Variants in ATRNL1 observed in about 807,000 individuals in gnomAD.
The protein encoded by ATRNL1 is attractin like 1, also known as attractin-like protein 1.
In ATRNL1, 95 loss-of-function variants were observed where a neutral mutation model predicts 182.7. The observed-to-expected ratio is 0.52, with a 90% confidence interval of 0.44 to 0.62. ATRNL1 has a LOEUF of 0.62. Among genes scored for constraint, ATRNL1 ranks in the 20% least tolerant of loss-of-function variants. ATRNL1 has a pLI of 0.00. For synonymous variants in ATRNL1, 576 were observed against 568.3 expected, an observed-to-expected ratio of 1.01 and a Z score of -0.19; for missense variants, 1,471 against 1,679.5, an observed-to-expected ratio of 0.88 and a Z score of 2.17.
At chr10:115,816,049 A>G (rs567927621) in intron 27 of ATRNL1, among the ~76,000 whole-genome samples, 1 of 152,160 alleles carries the variant, frequency 6.6e-6, no homozygotes, top group Non-Finnish European at 1.5e-5. Context: ...ACTAACCAAG[A>G]CAATTTTGAG....
intron 26 of ATRNL1, among the ~76,000 whole-genome samples, chr10:115,604,443 C>T (rs1856770464): frequency 6.6e-6 from 1 of 152,174 alleles, no homozygotes; most frequent in South Asian, 2.1e-4. Context: ...GTCTTCCAGC[C>T]AGCCCTTTCT....
In ATRNL1 at chr10:115,947,152, C is replaced by T. The variant is rs1000356125; in HGVS notation, c.*2373C>T. 6.6e-6 allele frequency: 1 copy of T among 152,480 alleles called. No individual in the cohort carries two copies. The highest frequency in any genetic ancestry group is 6.5e-5 in the Admixed American group (1 of 15,272). The allele number at this position is 152,480 out of a possible 1,614,324, so 9.4% of individuals were successfully genotyped here. A position where few individuals can be genotyped will look rare whatever the true frequency, so the allele number is the denominator to read the frequency against. ...TTTTCACTGGCAGTAAATTCTTTGCCCTCAGGTGAAGTGGATTGAAAAGAC... is the reference window on the plus strand; with the variant it reads ...TTTTCACTGGCAGTAAATTCTTTGCTCTCAGGTGAAGTGGATTGAAAAGAC... On this transcript the variant is annotated 3_prime_UTR_variant, in exon 29 of 29. Transcript: ENST00000355044.
chr10:115,787,642 A>G (rs1949427983), intron 27 of ATRNL1, among the ~76,000 whole-genome samples: 1 of 152,102 alleles, frequency 6.6e-6, no homozygotes, highest in South Asian at 2.1e-4. Context: ...TGAAAATATG[A>G]TCCAAGCTCC....
chr10:115,320,687 A>G (rs576951678), intron 18 of ATRNL1, among the ~76,000 whole-genome samples: 1 of 151,688 alleles, frequency 6.6e-6, no homozygotes, highest in South Asian at 2.1e-4. Context: ...CACTTCGGCT[A>G]TTGATACTTG....
At chr10:115,380,459 T>A (rs1344700961) in intron 19 of ATRNL1, among the ~76,000 whole-genome samples, 1 of 152,148 alleles carries the variant, frequency 6.6e-6, no homozygotes, top group Non-Finnish European at 1.5e-5. Context: ...TAATCTACCT[T>A]TAAAATGTTT....
intron 21 of ATRNL1, among the ~76,000 whole-genome samples, chr10:115,445,075 G>A (rs1161131641): frequency 6.6e-6 from 1 of 151,940 alleles, no homozygotes; most frequent in African/African-American, 2.4e-5. Context: ...CAGCATTGCT[G>A]AGTATATATT....
intron 26 of ATRNL1, among the ~76,000 whole-genome samples, chr10:115,653,021 C>T (rs943235619): frequency 2.6e-5 from 4 of 151,836 alleles, no homozygotes; most frequent in Admixed American, 6.6e-5. Flanking sequence ...TTTGTCATTG[C>T]GTAAAATAAT....
chr10:115,939,789 G>T (rs1953670849), intron 28 of ATRNL1, among the ~76,000 whole-genome samples: 1 of 152,106 alleles, frequency 6.6e-6, no homozygotes, highest in African/African-American at 2.4e-5. Context: ...ATCCAACTAG[G>T]AGGAAGCACT....
intron 15 of ATRNL1, among the ~76,000 whole-genome samples, chr10:115,298,425 C>T (rs1289627930): frequency 6.6e-6 from 1 of 152,074 alleles, no homozygotes; most frequent in African/African-American, 2.4e-5. Context: ...TTTTCCTCCT[C>T]TTCCTCTCAG....
chr10:115,187,854 T>A (rs946788049), intron 8 of ATRNL1, among the ~76,000 whole-genome samples: 1 of 151,564 alleles, frequency 6.6e-6, no homozygotes, highest in Non-Finnish European at 1.5e-5. Context: ...GTTAATTTTT[T>A]AATTTTTAGT....
intron 20 of ATRNL1, among the ~76,000 whole-genome samples, chr10:115,413,560 T>C (rs1845244486): frequency 6.6e-6 from 1 of 152,146 alleles, no homozygotes; most frequent in Admixed American, 6.5e-5. Context: ...TTCCTGTTTT[T>C]TTCCCAATGA....
chr10:115,740,412 A>G (rs1948101460), intron 27 of ATRNL1, among the ~76,000 whole-genome samples: 1 of 152,200 alleles, frequency 6.6e-6, no homozygotes, highest in Admixed American at 6.5e-5. Context: ...GCACACACCT[A>G]TAGTCCCAGC....
intron 26 of ATRNL1, among the ~76,000 whole-genome samples, chr10:115,724,604 A>G (rs1947537391): frequency 6.6e-6 from 1 of 152,172 alleles, no homozygotes; most frequent in African/African-American, 2.4e-5. Flanking sequence ...CAGTAATTAG[A>G]TTATGATCCA....
At chr10:115,734,898 A>G (rs1305931386) in intron 27 of ATRNL1, among the ~76,000 whole-genome samples, 1 of 152,148 alleles carries the variant, frequency 6.6e-6, no homozygotes, top group African/African-American at 2.4e-5. Context: ...ACATTTTAAC[A>G]GGCATAGTTT....
intron 28 of ATRNL1, among the ~76,000 whole-genome samples, chr10:115,880,805 G>A (rs2615891): frequency 0.54 from 82,008 of 151,972 alleles, 23,004 homozygotes; most frequent in East Asian, 0.76. Context: ...ATGCTCTTAA[G>A]TATTTATCTT....
intron 21 of ATRNL1, among the ~76,000 whole-genome samples, chr10:115,458,839 TA>T (rs1565066100): frequency 2.0e-5 from 3 of 152,140 alleles, no homozygotes; most frequent in African/African-American, 4.8e-5. Context: ...TCCTTCGTGA[TA>T]TTTTTTTCTT....
Position 115,467,164 on chromosome 10 carries a change from T to A in ATRNL1, c.3418-10T>A. The A allele has an allele frequency of 6.3e-7, 1 of 1,585,722 alleles. No homozygotes were observed. Among genetic ancestry groups the A allele is most frequent in the Non-Finnish European group, 8.6e-7 (1 of 1,158,012 alleles). ...TCGTTTTTTAACCTTAATATTTTCT[T>A]TTCTGGTAGTCGAACAAAAATCTGG... On this transcript the variant is annotated splice_polypyrimidine_tract_variant and intron_variant, in intron 22 of 28. Coordinates refer to ENST00000355044, the MANE Select transcript of ATRNL1 (RefSeq NM_207303.4).
intron 26 of ATRNL1, among the ~76,000 whole-genome samples, chr10:115,589,887 C>T (rs1186390151): frequency 6.6e-6 from 1 of 152,106 alleles, no homozygotes; most frequent in East Asian, 1.9e-4. Context: ...TCAGACAGTT[C>T]CATTGATGAG....
At chr10:115,445,062 G>A (rs1313156334) in intron 21 of ATRNL1, among the ~76,000 whole-genome samples, 1 of 151,686 alleles carries the variant, frequency 6.6e-6, no homozygotes, top group Non-Finnish European at 1.5e-5. Flanking sequence ...TCTTGAATGG[G>A]GACAGCATTG....
Sources: allele counts gnomAD v4.1 joint callset (sites outside exome capture counted in the v4.1 genomes callset), GRCh38; gene constraint gnomAD v4.1.1; transcripts MANE v1.5; gene names NCBI Gene and HGNC (gene_info 2026-07-23, HGNC 2026-07-21).